SLC25A14: variants seen among roughly 807,000 people sequenced by gnomAD.
SLC25A14 encodes the protein brain mitochondrial carrier protein 1.
Under a neutral mutation model 28.1 loss-of-function variants are expected in SLC25A14, and 8 were observed. The ratio of observed to expected loss-of-function variants is 0.28; its 90% CI spans 0.17 to 0.51. SLC25A14 has a LOEUF of 0.51. Among genes scored for constraint, SLC25A14 ranks in the 20% least tolerant of loss-of-function variants. SLC25A14 has a pLI of 0.97. For missense variants in SLC25A14, 135 were observed against 263.8 expected (o/e 0.51, Z 3.38); for synonymous variants, 74 against 90.6 (o/e 0.82, Z 1.04).
intron 1 of SLC25A14, 40 bp from the exon 2 acceptor site, chrX:130,340,067 G>A: frequency 9.7e-7 from 1 of 1,031,449 alleles, no homozygotes. Context: ...TCCCGGCCTG[G>A]GAGGGGCTTA....
intron 10 of SLC25A14, among the ~76,000 whole-genome samples, chrX:130,372,472 T>A (rs202013615): frequency 9.7e-6 from 1 of 103,047 alleles, no homozygotes; most frequent in Non-Finnish European, 2.0e-5. Flanking sequence ...TATTTTTATT[T>A]TTTTTTTTGA....
intron 9 of SLC25A14, among the ~76,000 whole-genome samples, chrX:130,368,796 G>C (rs2034190478): frequency 8.9e-6 from 1 of 111,829 alleles, no homozygotes; most frequent in South Asian, 3.7e-4. Context: ...GCTAATAAGA[G>C]GCAGGTCTGA....
chrX:130,365,988 C>G (rs772225268), intron 9 of SLC25A14, among the ~76,000 whole-genome samples: 70 of 111,647 alleles, frequency 6.3e-4, no homozygotes, highest in African/African-American at 2.1e-3. Context: ...ACACAGAGAC[C>G]CTGCAATAGA....
At chrX:130,358,820 C>T (rs971381084) in intron 7 of SLC25A14, 85 bp downstream of exon 7, 34 of 748,304 alleles carry the variant, frequency 4.5e-5, no homozygotes, top group Admixed American at 1.4e-4. Flanking sequence ...GACATAAAAT[C>T]GTGAATTATA....
chrX:130,358,743 C>G lies in SLC25A14; in HGVS notation c.594+8C>G. The G allele has an allele frequency of 9.2e-7, 1 of 1,092,872 alleles. No individual in the cohort carries two copies. Among genetic ancestry groups the G allele is most frequent in the Non-Finnish European group, 1.3e-6 (1 of 791,627 alleles). The allele number at this position is 1,092,872 out of a possible 1,213,427, so 90.1% of individuals were successfully genotyped here. A position where few individuals can be genotyped will look rare whatever the true frequency, so the allele number is the denominator to read the frequency against. On this transcript the variant is annotated splice_region_variant and intron_variant, in intron 7 of 10. Coordinates refer to ENST00000545805, the MANE Select transcript of SLC25A14 (RefSeq NM_001282195.2). Reference sequence around the variant, plus strand: ...ACCAGGGGTCTGTGGAGGGTAAGTACTCTTTTCCTGCTATTATCCTACACT... The same window carrying G: ...ACCAGGGGTCTGTGGAGGGTAAGTAGTCTTTTCCTGCTATTATCCTACACT...
intron 7 of SLC25A14, among the ~76,000 whole-genome samples, chrX:130,361,458 T>C (rs916655193): frequency 1.8e-5 from 2 of 112,729 alleles, no homozygotes; most frequent in African/African-American, 3.2e-5. Flanking sequence ...ACATGTTTTA[T>C]TTGCATGTTA....
chrX:130,344,564 C>T (rs757024393), intron 2 of SLC25A14, among the ~76,000 whole-genome samples: 5 of 111,441 alleles, frequency 4.5e-5, no homozygotes, highest in South Asian at 3.8e-4. Context: ...GATGGATGTA[C>T]GTTAAATGTC....
intron 7 of SLC25A14, among the ~76,000 whole-genome samples, chrX:130,359,352 C>CAAA (rs55826694): frequency 7.7e-5 from 2 of 26,132 alleles, no homozygotes; most frequent in African/African-American, 1.3e-4. Flanking sequence ...GACTCTGTCT[C>CAAA]AAAAAAAAAA....
At chrX:130,349,166 A>C (rs1368039105) in intron 4 of SLC25A14, 85 bp from the exon 5 acceptor site, 3 of 514,225 alleles carry the variant, frequency 5.8e-6, no homozygotes, top group Non-Finnish European at 3.2e-6. Context: ...GGGTAGAATG[A>C]GATGGGTAGT....
At chrX:130,357,179 A>G (rs1322043600) in intron 6 of SLC25A14, among the ~76,000 whole-genome samples, 1 of 112,256 alleles carries the variant, frequency 8.9e-6, no homozygotes, top group Non-Finnish European at 1.9e-5. Context: ...TAATCAATAT[A>G]AACAACATTT....
At chrX:130,364,478 T>A in intron 7 of SLC25A14, 150 bp from the exon 8 acceptor site, 2 of 321,669 alleles carry the variant, frequency 6.2e-6, no homozygotes, top group Non-Finnish European at 1.1e-5. Flanking sequence ...TTGTATATGT[T>A]CCATTATTAG....
chrX:130,346,790 A>G, intron 4 of SLC25A14, 99 bp downstream of exon 4: 1 of 708,705 alleles, frequency 1.4e-6, no homozygotes, highest in Non-Finnish European at 2.1e-6. Context: ...CATATTCACC[A>G]TTTCAACTTG....
chrX:130,361,508 T>C (rs2033963497), intron 7 of SLC25A14, among the ~76,000 whole-genome samples: 1 of 112,909 alleles, frequency 8.9e-6, no homozygotes, highest in Admixed American at 9.3e-5. Flanking sequence ...CAAGAAAATA[T>C]GTTTGCATTT....
chrX:130,365,192 C>T, intron 8 of SLC25A14: 1 of 809,500 alleles, frequency 1.2e-6, no homozygotes, highest in African/African-American at 2.2e-5. Context: ...GTCTTGCAAC[C>T]TTTATGATAA....
chrX:130,345,199 T>C lies in SLC25A14; in HGVS notation c.93T>C (p.Thr31=). Residue 31 remains threonine, a synonymous_variant, in exon 3 of 11, where the codon ACT becomes ACC. Transcript: ENST00000545805. ...ATTTTTAGCACCAGAAAAGTACCACTGTAAGTCATGAGATGTCTGGTCTGA... is the reference window on the plus strand; with the variant it reads ...ATTTTTAGCACCAGAAAAGTACCACCGTAAGTCATGAGATGTCTGGTCTGA... ...VIVSGHQKST[T]VSHEMSGLNW... is the part of the protein sequence containing the mutation. 1 of 1,198,987 alleles carries C rather than the reference T, an allele frequency of 8.3e-7. No homozygotes were observed. The highest frequency in any genetic ancestry group is 1.7e-5 in the African/African-American group (1 of 57,657).
At chrX:130,348,367 G>T (rs1030601163) in intron 4 of SLC25A14, among the ~76,000 whole-genome samples, 1 of 110,243 alleles carries the variant, frequency 9.1e-6, no homozygotes, top group African/African-American at 3.3e-5. Context: ...CATTGCAATG[G>T]GTATGAGTTT....
intron 6 of SLC25A14, among the ~76,000 whole-genome samples, chrX:130,351,225 G>A (rs950449968): frequency 4.5e-5 from 5 of 111,735 alleles, no homozygotes; most frequent in African/African-American, 1.6e-4. Flanking sequence ...TTGACCTGTG[G>A]TATAACCTGG....
chrX:130,352,316 C>T lies in SLC25A14; in HGVS notation c.498+1585C>T, dbSNP rs775489744. On this transcript the variant is annotated intron_variant, in intron 6 of 10. Transcript: ENST00000545805. ...ACCACATTTTCTTTATCCAGTCCAA[C>T]GGTGGTGGGCACCTAGGTTGATTCC... 9.8e-5 allele frequency among the ~76,000 whole-genome samples: 11 copies of T among 112,239 alleles called. No individual in the cohort carries two copies. The East Asian group carries it at 1.1e-3, about 11-fold the overall frequency.
intron 2 of SLC25A14, among the ~76,000 whole-genome samples, chrX:130,344,895 TCTC>T: frequency 9.0e-6 from 1 of 111,274 alleles, no homozygotes; most frequent in African/African-American, 3.3e-5. Flanking sequence ...TGAAGCCTCT[TCTC>T]TGGGTGGGGA....
Sources: allele counts gnomAD v4.1 joint callset (sites outside exome capture counted in the v4.1 genomes callset), GRCh38; gene constraint gnomAD v4.1.1; transcripts MANE v1.5; gene names NCBI Gene and HGNC (gene_info 2026-07-23, HGNC 2026-07-21).